ABI3BP: variants seen among roughly 807,000 people sequenced by gnomAD.
ABI3BP encodes the protein ABI family member 3 binding protein.
A neutral mutation model predicts 268.6 loss-of-function variants in ABI3BP; 216 were observed. The observed-to-expected ratio is 0.80, with a 90% confidence interval of 0.72 to 0.90. ABI3BP has a LOEUF of 0.90. ABI3BP is among the 40% of genes least tolerant of loss of function. The pLI, the probability that ABI3BP is intolerant of heterozygous loss-of-function variation, is 0.00. For synonymous variants in ABI3BP, 730 were observed against 730.0 expected (o/e 1.00, Z 0.00); for missense variants, 2,090 against 2,182.4 (o/e 0.96, Z 0.84).
intron 4 of ABI3BP, among the ~76,000 whole-genome samples, chr3:100,889,499 A>G (rs988625061): frequency 6.6e-6 from 1 of 152,162 alleles, no homozygotes; most frequent in Non-Finnish European, 1.5e-5. Flanking sequence ...TTACCATAAC[A>G]TATAGTCACA....
At chr3:100,867,128 C>A (rs2099058670) in intron 9 of ABI3BP, among the ~76,000 whole-genome samples, 172 bp from the exon 10 acceptor site, 1 of 152,122 alleles carries the variant, frequency 6.6e-6, no homozygotes, top group Non-Finnish European at 1.5e-5. Context: ...CTTCAAAATT[C>A]TTTCTTATTA....
At chr3:100,936,872 A>G (rs1001491501) in intron 1 of ABI3BP, among the ~76,000 whole-genome samples, 1 of 150,808 alleles carries the variant, frequency 6.6e-6, no homozygotes, top group Non-Finnish European at 1.5e-5. Flanking sequence ...CTCTCTTTTC[A>G]TCTTTATTAG....
chr3:100,955,000 T>TTTTTTTTTTTTTTTTTTTTTTTTC lies in ABI3BP; in HGVS notation c.80-28520_80-28519insGAAAAAAAAAAAAAAAAAAAAAAA, dbSNP rs1405142027. Among the ~76,000 whole-genome samples the TTTTTTTTTTTTTTTTTTTTTTTTC allele has an allele frequency of 1.8e-5, 2 of 108,246 alleles. 1 individual carries two copies. The highest frequency in any genetic ancestry group is 3.7e-5 in the Non-Finnish European group (2 of 54,392). The allele number at this position is 108,246 out of a possible 152,430, so 71.0% of individuals were successfully genotyped here. ...CTTTTTTTTTTTTTTTTTTTTTTTT[T>TTTTTTTTTTTTTTTTTTTTTTTTC]ACGAATCATAAAGCTCAACTGGCAA... On this transcript the variant is annotated intron_variant, in intron 1 of 67. Coordinates refer to ENST00000471714, the MANE Select transcript of ABI3BP (RefSeq NM_001375547.2).
At chr3:100,842,778 G>T (rs2098720898) in intron 20 of ABI3BP, among the ~76,000 whole-genome samples, 1 of 152,150 alleles carries the variant, frequency 6.6e-6, no homozygotes, top group South Asian at 2.1e-4. Context: ...CTTAAAAAAA[G>T]ATTACCCAAT....
intron 9 of ABI3BP, among the ~76,000 whole-genome samples, chr3:100,873,005 T>TG (rs2099124331): frequency 6.6e-6 from 1 of 152,206 alleles, no homozygotes; most frequent in Non-Finnish European, 1.5e-5. Context: ...TCAAAAATTG[T>TG]AAGTCTAATA....
intron 1 of ABI3BP, among the ~76,000 whole-genome samples, chr3:100,947,660 C>A (rs1207734771): frequency 1.3e-5 from 2 of 151,956 alleles, no homozygotes; most frequent in African/African-American, 2.4e-5. Flanking sequence ...TTATACTATT[C>A]CCCAGTGTGA....
In ABI3BP at chr3:100,779,498, T is replaced by G. The variant is rs192398931; in HGVS notation, c.4240+634A>C. ...AACCCACATTTTAAGTCTTGTGCTA[T>G]AGTTAAACAATTTATATCTTTTTTT... On this transcript the variant is annotated intron_variant, in intron 58 of 67. Coordinates refer to ENST00000471714, the MANE Select transcript of ABI3BP (RefSeq NM_001375547.2). 2.3e-3 allele frequency among the ~76,000 whole-genome samples: 345 copies of G among 152,354 alleles called. 9 individuals are homozygous for G. The highest frequency in any genetic ancestry group is 0.02 in the Admixed American group (311 of 15,304).
chr3:100,907,629 A>C (rs1226373156), intron 2 of ABI3BP, among the ~76,000 whole-genome samples: 1 of 152,186 alleles, frequency 6.6e-6, no homozygotes, highest in Non-Finnish European at 1.5e-5. Flanking sequence ...AATGTTCAAA[A>C]AATCTTTACA....
chr3:100,828,184 CA>C (rs1205319355), intron 34 of ABI3BP, among the ~76,000 whole-genome samples: 1 of 152,104 alleles, frequency 6.6e-6, no homozygotes, highest in Non-Finnish European at 1.5e-5. Flanking sequence ...AAGCCAAAAA[CA>C]AAATGATATG....
At chr3:100,969,832 T>C (rs763439041) in intron 1 of ABI3BP, among the ~76,000 whole-genome samples, 74 of 152,178 alleles carry the variant, frequency 4.9e-4, no homozygotes, top group Non-Finnish European at 8.5e-4. Context: ...CTTAGCAGAG[T>C]AAAGCTTTTT....
In ABI3BP at chr3:100,816,293, G is replaced by A. The variant is rs75711303; in HGVS notation, c.3230-322C>T. ...GGCAACAGATACGAAAATACAGAGAGAAATATATATGAAAGTAACTTGTTG... is the reference window on the plus strand; with the variant it reads ...GGCAACAGATACGAAAATACAGAGAAAAATATATATGAAAGTAACTTGTTG... On this transcript the variant is annotated intron_variant, in intron 43 of 67. Coordinates refer to ENST00000471714, the MANE Select transcript of ABI3BP (RefSeq NM_001375547.2). The A allele has an allele frequency of 1.1e-4, 50 of 448,702 alleles. No homozygotes were observed. In the East Asian group the frequency reaches 1.8e-3, roughly 17 times the overall value. The allele number at this position is 448,702 out of a possible 1,614,324, so 27.8% of individuals were successfully genotyped here. A position where few individuals can be genotyped will look rare whatever the true frequency, so the allele number is the denominator to read the frequency against.
intron 1 of ABI3BP, among the ~76,000 whole-genome samples, chr3:100,949,684 A>G (rs2074087770): frequency 1.3e-5 from 2 of 152,322 alleles, no homozygotes; most frequent in South Asian, 4.1e-4. Context: ...TTGAATCCAT[A>G]TGACAATTAG....
At chr3:100,810,242 C>A (rs898820758) in intron 49 of ABI3BP, among the ~76,000 whole-genome samples, 170 bp downstream of exon 49, 4 of 152,100 alleles carry the variant, frequency 2.6e-5, no homozygotes, top group Non-Finnish European at 1.5e-5. Flanking sequence ...TAAAGAACAA[C>A]ACTGCCATTT....
intron 1 of ABI3BP, among the ~76,000 whole-genome samples, chr3:100,939,739 C>T (rs1165512993): frequency 6.6e-6 from 1 of 152,012 alleles, no homozygotes; most frequent in Non-Finnish European, 1.5e-5. Flanking sequence ...AACATCTTAT[C>T]AGGAGACAGG....
chr3:100,867,134 T>C (rs940260306), intron 9 of ABI3BP, among the ~76,000 whole-genome samples, 178 bp from the exon 10 acceptor site: 3 of 152,222 alleles, frequency 2.0e-5, no homozygotes, highest in African/African-American at 4.8e-5. Flanking sequence ...AATTCTTTCT[T>C]ATTAACCCTA....
rs1018376893 is a variant in ABI3BP at position 100,962,082 on chromosome 3, C to T, written c.79+31224G>A. ...AGTATAAATTCATGGTCACTAATCTCAAGTGGGTCCTCATTCCTCTTGCCA... is the reference window on the plus strand; with the variant it reads ...AGTATAAATTCATGGTCACTAATCTTAAGTGGGTCCTCATTCCTCTTGCCA... On this transcript the variant is annotated intron_variant, in intron 1 of 67. Coordinates refer to ENST00000471714, the MANE Select transcript of ABI3BP (RefSeq NM_001375547.2). Among the ~76,000 whole-genome samples the T allele has an allele frequency of 3.3e-5, 5 of 152,284 alleles. No homozygotes were observed. The South Asian group carries it at 6.2e-4, about 19-fold the overall frequency.
intron 1 of ABI3BP, among the ~76,000 whole-genome samples, chr3:100,933,041 G>A (rs2064248549): frequency 6.6e-6 from 1 of 151,916 alleles, no homozygotes; most frequent in African/African-American, 2.4e-5. Flanking sequence ...ACATTCTCCA[G>A]AATATTTCAG....
rs2051001713 is a variant in ABI3BP, at chr3:100,902,673, T to C, written c.273A>G (p.Lys91=). The C allele has an allele frequency of 6.8e-6, 11 of 1,613,910 alleles. No homozygotes were observed. The highest frequency in any genetic ancestry group is 9.3e-6 in the Non-Finnish European group (11 of 1,179,866). ...GAGCAGGTCGCACAACTATCAGATA[T>C]TTCGGCTCTGCATCTGGAAGCAATA... ...FTEAIVDAEP[K]YLIVVRPAPP... is the part of the protein sequence containing the mutation. Residue 91 remains lysine (K), a synonymous_variant, in exon 3 of 68, where the codon AAA becomes AAG. Coordinates refer to ENST00000471714, the MANE Select transcript of ABI3BP (RefSeq NM_001375547.2).
In ABI3BP at chr3:100,848,856, A is replaced by G; in HGVS notation, c.1521T>C (p.Ser507=). Reference sequence around the variant, plus strand: ...GGCGTCGTTTAGGTGTAGAAGGGATAGATGTAGTTTGCTGGGGAGCTGAAA... The same window carrying G: ...GGCGTCGTTTAGGTGTAGAAGGGATGGATGTAGTTTGCTGGGGAGCTGAAA... ...PTTPAPQQTT[S]IPSTPKRRPR... is the part of the protein sequence containing the mutation. The change falls in exon 18 of 68, where the codon TCT becomes TCC. Residue 507 remains serine (S), a synonymous_variant. Transcript: ENST00000471714. 6.2e-7 allele frequency: 1 copy of G among 1,613,194 alleles called. No homozygotes were observed. The highest frequency in any genetic ancestry group is 8.5e-7 in the Non-Finnish European group (1 of 1,179,324).
Sources: allele counts gnomAD v4.1 joint callset (sites outside exome capture counted in the v4.1 genomes callset), GRCh38; gene constraint gnomAD v4.1.1; transcripts MANE v1.5; gene names NCBI Gene and HGNC (gene_info 2026-07-23, HGNC 2026-07-21).